SHANK2: variants seen among roughly 807,000 people sequenced by gnomAD.
The protein encoded by SHANK2 is SH3 and multiple ankyrin repeat domains protein 2.
Under a neutral mutation model 133.7 loss-of-function variants are expected in SHANK2, and 43 were observed. The ratio of observed to expected loss-of-function variants is 0.32; its 90% confidence interval spans 0.25 to 0.41. SHANK2 has a LOEUF of 0.41. Among genes scored for constraint, SHANK2 ranks in the 10% least tolerant of loss-of-function variants. SHANK2 has a pLI of 1.00. For missense variants in SHANK2, 1,994 were observed against 2,235.8 expected, an observed-to-expected ratio of 0.89 and a Z score of 2.18; for synonymous variants, 1,017 against 952.8, an observed-to-expected ratio of 1.07 and a Z score of -1.24.
At chr11:70,787,243 C>T (rs1159155259) in intron 14 of SHANK2, among the ~76,000 whole-genome samples, 46 of 149,288 alleles carry the variant, frequency 3.1e-4, no homozygotes, top group African/African-American at 1.1e-3. Context: ...CCACTATCAT[C>T]GCCGTGACCA....
chr11:70,631,019 A>G (rs984844242), intron 17 of SHANK2: 4 of 152,258 alleles, frequency 2.6e-5, no homozygotes, highest in African/African-American at 9.7e-5. Context: ...GAGGGTGATG[A>G]CAGAGCCTGC....
intron 14 of SHANK2, among the ~76,000 whole-genome samples, chr11:70,715,134 C>G (rs1945881679): frequency 6.6e-6 from 1 of 152,182 alleles, no homozygotes; most frequent in African/African-American, 2.4e-5. Context: ...AAGGATAAAT[C>G]TCAGAGGTGA....
chr11:71,113,253 GC>G, intron 5 of SHANK2, 39 bp downstream of exon 5: 1 of 1,519,600 alleles, frequency 6.6e-7, no homozygotes, highest in South Asian at 1.2e-5. Context: ...GGAGGACGCC[GC>G]CTGCCTAACG....
At chr11:70,942,571 G>C (rs1555084564) in intron 10 of SHANK2, 1 of 456,536 alleles carries the variant, frequency 2.2e-6, no homozygotes, top group Admixed American at 2.4e-5. Context: ...GATTTGGTGG[G>C]GACAAGCGAG....
chr11:70,473,251 G>A lies in SHANK2; in HGVS notation c.5168C>T (p.Pro1723Leu). 1 of 1,610,764 alleles carries A rather than the reference G, an allele frequency of 6.2e-7. No individual in the cohort carries two copies. The highest frequency in any genetic ancestry group is 8.5e-7 in the Non-Finnish European group (1 of 1,177,198). Residue 1723 changes from proline (P) to leucine (L), a missense_variant, in exon 26 of 26, where the codon CCC (proline) becomes CTC (leucine). Physicochemically the swap from Pro to Leu is moderately conservative, Grantham distance 98. Around this residue, in one of 5 missense-constraint regions of SHANK2, gnomAD observed 797 missense variants for 907.4 expected, o/e 0.88. Transcript: ENST00000601538. The surrounding 1 kb of genome is among the most constrained non-coding windows in gnomAD (Gnocchi z 5.9). ...GGCGGTGGCAGCAGACAGGGGGGCG[G>A]GCAGGGTCTCTTTGTTCATCTCTGT... ...SPTEMNKETL[P>L]APLSAATASP...
chr11:70,794,876 T>C (rs1947874654), intron 14 of SHANK2, among the ~76,000 whole-genome samples: 1 of 152,172 alleles, frequency 6.6e-6, no homozygotes, highest in Admixed American at 6.5e-5. Flanking sequence ...GGGTTTAATA[T>C]CTTATTTGCA....
chr11:71,116,809 G>A (rs574338502), intron 4 of SHANK2, among the ~76,000 whole-genome samples: 10 of 152,268 alleles, frequency 6.6e-5, no homozygotes, highest in Admixed American at 2.6e-4. Context: ...TTCTCGCTCT[G>A]TTAGTTCACG....
chr11:70,910,916 G>GCA (rs1565400652), intron 10 of SHANK2: 34 of 452,574 alleles, frequency 7.5e-5, no homozygotes, highest in Middle Eastern at 9.1e-4. Flanking sequence ...GTGTGTGTGC[G>GCA]CGTGCATGTG....
intron 6 of SHANK2, among the ~76,000 whole-genome samples, chr11:71,097,515 C>T (rs947133917): frequency 6.6e-6 from 1 of 152,184 alleles, no homozygotes; most frequent in South Asian, 2.1e-4. Flanking sequence ...TCAGAGTGGC[C>T]CCAGTCTCCC....
intron 17 of SHANK2, among the ~76,000 whole-genome samples, chr11:70,606,583 G>C (rs1554992497): frequency 7.0e-6 from 1 of 142,614 alleles, no homozygotes; most frequent in African/African-American, 2.6e-5. Context: ...TTCAGAGTTT[G>C]AATCAGCAGG....
intron 10 of SHANK2, among the ~76,000 whole-genome samples, chr11:70,937,163 A>G (rs1211130975): frequency 3.3e-5 from 5 of 152,218 alleles, no homozygotes; most frequent in African/African-American, 1.2e-4. Flanking sequence ...TGGGTTCCTC[A>G]GGATCGATAG....
At chr11:70,757,378 A>T (rs1052213228) in intron 14 of SHANK2, among the ~76,000 whole-genome samples, 1 of 152,238 alleles carries the variant, frequency 6.6e-6, no homozygotes, top group African/African-American at 2.4e-5. Flanking sequence ...GCCCTGAGAA[A>T]GTCCTGCCCG....
intron 2 of SHANK2, among the ~76,000 whole-genome samples, chr11:71,173,551 C>T (rs1392663663): frequency 2.0e-5 from 3 of 152,220 alleles, no homozygotes; most frequent in Non-Finnish European, 4.4e-5. Flanking sequence ...TTCACATCCA[C>T]AAGCTAGGAG....
intron 17 of SHANK2, among the ~76,000 whole-genome samples, chr11:70,558,959 C>T (rs1160178160): frequency 2.0e-5 from 3 of 152,236 alleles, no homozygotes; most frequent in Admixed American, 6.5e-5. Flanking sequence ...ACACACACGC[C>T]TCTTAATAAC....
intron 2 of SHANK2, among the ~76,000 whole-genome samples, chr11:71,156,572 C>T (rs1555109130): frequency 6.6e-6 from 1 of 152,192 alleles, no homozygotes; most frequent in African/African-American, 2.4e-5. Flanking sequence ...GAGTCCACGC[C>T]TAATTCCACA....
At chr11:71,196,397 C>T (rs1444566848) in intron 2 of SHANK2, among the ~76,000 whole-genome samples, 14 of 151,834 alleles carry the variant, frequency 9.2e-5, no homozygotes, top group Admixed American at 2.6e-4. Context: ...GCAATTCTCC[C>T]GCCTCAGCCT....
chr11:71,233,313 G>A (rs1351072646), intron 1 of SHANK2, among the ~76,000 whole-genome samples: 1 of 152,152 alleles, frequency 6.6e-6, no homozygotes, highest in African/African-American at 2.4e-5. Context: ...CCTGACCCAG[G>A]CTACAACACG....
At position 70,553,166 on chromosome 11, in the gene SHANK2, C is replaced by T. The variant is rs1301947968; in HGVS notation, c.2062-50235G>A. Among the ~76,000 whole-genome samples, 11 of 151,900 alleles carry T rather than the reference C, an allele frequency of 7.2e-5. No individual in the cohort carries two copies. In the East Asian group the frequency reaches 2.1e-3, roughly 30 times the overall value. ...GGAGTGCAGTGGCGCGATCTCGTCT[C>T]ACTGCAGTCTCTGTCTCCCAGGTTC... On this transcript the variant is annotated intron_variant, in intron 17 of 25. Coordinates refer to ENST00000601538, the MANE Select transcript of SHANK2 (RefSeq NM_012309.5).
At chr11:70,515,653 A>C (rs1029318426) in intron 17 of SHANK2, among the ~76,000 whole-genome samples, 2 of 150,708 alleles carry the variant, frequency 1.3e-5, no homozygotes, top group African/African-American at 4.9e-5. Context: ...AAAAAAAAAA[A>C]AAAAAAACAT....
Sources: gnomAD v4.1 joint callset for allele counts (sites outside exome capture counted in the v4.1 genomes callset) on GRCh38, gnomAD v4.1.1 for gene constraint, gnomAD v4.1.1 regional missense constraint, Gnocchi (gnomAD v3.1) non-coding constraint, MANE v1.5 for transcripts, NCBI Gene and HGNC (gene_info 2026-07-23, HGNC 2026-07-21) for gene names.